CADM2: variants seen among roughly 807,000 people sequenced by gnomAD.
CADM2 encodes cell adhesion molecule 2.
In CADM2, 12 loss-of-function variants were observed where a neutral mutation model predicts 49.8. The observed-to-expected ratio is 0.24, with a 90% confidence interval of 0.15 to 0.39. The LOEUF (loss-of-function observed/expected upper bound fraction) is 0.39. CADM2 is among the 10% of genes least tolerant of loss of function. The pLI is 1.00. For synonymous variants in CADM2, 214 were observed against 175.4 expected (o/e 1.22, Z -1.74); for missense variants, 378 against 492.3 (o/e 0.77, Z 2.20).
chr3:85,678,644 C>G (rs1227679410), intron 1 of CADM2, among the ~76,000 whole-genome samples: 1 of 152,166 alleles, frequency 6.6e-6, no homozygotes, highest in South Asian at 2.1e-4. Flanking sequence ...CTGACCTAAA[C>G]ATTTTCCGTT....
chr3:86,065,795 A>G lies in CADM2; in HGVS notation c.1096+65A>G, dbSNP rs2080321857. ...TATTCTAGACTAACTTCATTATAAA[A>G]TATGATATCAGTGCATATATGTTTC... On this transcript the variant is annotated intron_variant, in intron 9 of 9. Transcript: ENST00000383699. The G allele has an allele frequency of 2.6e-6, 4 of 1,531,742 alleles. No homozygotes were observed. In the African/African-American group the frequency reaches 4.1e-5, roughly 16 times the overall value. The allele number at this position is 1,531,742 out of a possible 1,614,324, so 94.9% of individuals were successfully genotyped here.
chr3:85,506,202 G>A (rs1317573394), intron 1 of CADM2, among the ~76,000 whole-genome samples: 1 of 152,160 alleles, frequency 6.6e-6, no homozygotes, highest in Non-Finnish European at 1.5e-5. Flanking sequence ...CATATACAAA[G>A]TAAACAAGTA....
chr3:85,190,116 C>G (rs1158692306), intron 1 of CADM2, among the ~76,000 whole-genome samples: 5 of 151,876 alleles, frequency 3.3e-5, no homozygotes, highest in Non-Finnish European at 7.4e-5. Flanking sequence ...TTGACATATT[C>G]TGATCTTTAG....
chr3:85,399,767 GCTCT>G (rs2035000894), intron 1 of CADM2, among the ~76,000 whole-genome samples: 1 of 151,920 alleles, frequency 6.6e-6, no homozygotes, highest in Non-Finnish European at 1.5e-5. Flanking sequence ...TCATGATTTG[GCTCT>G]CTGTTATTGG....
chr3:85,212,883 TTTCTCTTTCTTTC>T (rs1559723900), intron 1 of CADM2, among the ~76,000 whole-genome samples: 1,708 of 134,160 alleles, frequency 0.013, 82 homozygotes, highest in African/African-American at 0.056. Context: ...TCTTTCTTTC[TTTCTCTTTCTTTC>T]TTTTAATGGA....
At chr3:85,164,465 A>C (rs931308972) in intron 1 of CADM2, among the ~76,000 whole-genome samples, 4 of 152,042 alleles carry the variant, frequency 2.6e-5, no homozygotes, top group African/African-American at 7.2e-5. Flanking sequence ...CCCTCAATCA[A>C]CTGTAAGGTA....
chr3:85,848,437 ATAAT>A (rs1488940325), intron 3 of CADM2, among the ~76,000 whole-genome samples: 3 of 152,160 alleles, frequency 2.0e-5, no homozygotes, highest in South Asian at 2.1e-4. Flanking sequence ...TGAGAAGGAG[ATAAT>A]TAAACCATAA....
intron 1 of CADM2, among the ~76,000 whole-genome samples, chr3:85,367,876 G>A (rs1359585891): frequency 6.7e-6 from 1 of 149,948 alleles, no homozygotes; most frequent in East Asian, 2.0e-4. Flanking sequence ...AATTAGACAC[G>A]CAGATACAGC....
At chr3:85,377,122 A>C (rs1199328329) in intron 1 of CADM2, among the ~76,000 whole-genome samples, 6 of 152,130 alleles carry the variant, frequency 3.9e-5, no homozygotes, top group Non-Finnish European at 7.4e-5. Context: ...ATAGTTGGTT[A>C]ATGAAGAATG....
At chr3:85,895,623 C>G (rs993900152) in intron 5 of CADM2, among the ~76,000 whole-genome samples, 1 of 152,132 alleles carries the variant, frequency 6.6e-6, no homozygotes, top group Non-Finnish European at 1.5e-5. Context: ...CAAATCTTAT[C>G]TTGAATTGTA....
chr3:85,109,805 T>C (rs533280211), intron 1 of CADM2, among the ~76,000 whole-genome samples: 41 of 152,160 alleles, frequency 2.7e-4, no homozygotes, highest in Non-Finnish European at 5.2e-4. Flanking sequence ...TGGTTCACCA[T>C]GTATAATCAA....
At chr3:85,300,123 T>C (rs1377592099) in intron 1 of CADM2, among the ~76,000 whole-genome samples, 2 of 152,112 alleles carry the variant, frequency 1.3e-5, no homozygotes, top group Non-Finnish European at 2.9e-5. Context: ...CTGGGGCTTA[T>C]GGCTCCCAAG....
chr3:85,242,016 A>G (rs2042541794), intron 1 of CADM2, among the ~76,000 whole-genome samples: 1 of 150,982 alleles, frequency 6.6e-6, no homozygotes, highest in South Asian at 2.1e-4. Flanking sequence ...CTTTAGTCAA[A>G]ACATCTTATT....
chr3:85,163,596 C>T (rs1397633617), intron 1 of CADM2, among the ~76,000 whole-genome samples: 1 of 151,996 alleles, frequency 6.6e-6, no homozygotes, highest in Admixed American at 6.6e-5. Flanking sequence ...TACAAAAATA[C>T]ATATATACCA....
intron 3 of CADM2, among the ~76,000 whole-genome samples, chr3:85,816,227 C>G (rs181252240): frequency 0.016 from 2,317 of 148,224 alleles, 24 homozygotes; most frequent in Non-Finnish European, 0.023. Context: ...TTTTTTTTTC[C>G]TTTTTTTAGT....
chr3:85,827,796 T>C (rs897518743), intron 3 of CADM2, among the ~76,000 whole-genome samples: 1 of 152,006 alleles, frequency 6.6e-6, no homozygotes, highest in Non-Finnish European at 1.5e-5. Flanking sequence ...TTCTCTCATA[T>C]ATCGTACTCA....
rs925460283 is a variant in CADM2 at position 86,042,808 on chromosome 3, A to T, written c.971-22797A>T. ...CTATTTTAGACCAATATCCCTGATA[A>T]CCATCAATGCAAAAATCCTCAATAA... On this transcript the variant is annotated intron_variant, in intron 8 of 9. Transcript: ENST00000383699. Among the ~76,000 whole-genome samples the T allele has an allele frequency of 3.3e-5, 5 of 152,220 alleles. 1 individual carries two copies. Among genetic ancestry groups the T allele is most frequent in the Non-Finnish European group, 7.3e-5 (5 of 68,044 alleles).
chr3:85,203,331 T>A (rs2041555554), intron 1 of CADM2, among the ~76,000 whole-genome samples: 1 of 152,142 alleles, frequency 6.6e-6, no homozygotes, highest in Admixed American at 6.6e-5. Context: ...GGGTGGTTAC[T>A]ATTAATAATT....
chr3:85,975,161 CA>C (rs1726622511), intron 8 of CADM2, among the ~76,000 whole-genome samples: 1 of 151,308 alleles, frequency 6.6e-6, no homozygotes, highest in South Asian at 2.1e-4. Context: ...GAATTCATTT[CA>C]TATCCTATCT....
Sources: gnomAD v4.1 joint callset for allele counts (sites outside exome capture counted in the v4.1 genomes callset) on GRCh38, gnomAD v4.1.1 for gene constraint, MANE v1.5 for transcripts, NCBI Gene and HGNC (gene_info 2026-07-23, HGNC 2026-07-21) for gene names.